Variants in MS4A5 observed in about 807,000 individuals in gnomAD.
The protein encoded by MS4A5 is membrane-spanning 4-domains subfamily A member 5.
Under a neutral mutation model 18.2 loss-of-function variants are expected in MS4A5, and 15 were observed. The ratio of observed to expected loss-of-function variants is 0.83; its 90% CI spans 0.55 to 1.27. The LOEUF (loss-of-function observed/expected upper bound fraction) is 1.27, where lower values mean the gene tolerates loss of function less well. MS4A5 is among the 50% of genes most tolerant of loss of function. The probability of loss-of-function intolerance (pLI) is 0.00; values close to 1 mark genes in which losing one functional copy is unlikely to be tolerated. For synonymous variants in MS4A5, 89 were observed against 78.7 expected, an observed-to-expected ratio of 1.13 and a Z score of -0.69; for missense variants, 232 against 225.7, an observed-to-expected ratio of 1.03 and a Z score of -0.18.
At chr11:60,434,944 GT>G (rs1365290003) in intron 4 of MS4A5, among the ~76,000 whole-genome samples, 2 of 152,198 alleles carry the variant, frequency 1.3e-5, no homozygotes, top group Non-Finnish European at 2.9e-5. Context: ...CGCTCTTCAG[GT>G]AAGGGCAAAA....
chr11:60,439,059 C>G (rs1013055944), intron 4 of MS4A5, among the ~76,000 whole-genome samples: 1 of 88,844 alleles, frequency 1.1e-5, no homozygotes, highest in African/African-American at 5.0e-5. Context: ...AGCAGCACAT[C>G]AAAAAGCTTA....
intron 4 of MS4A5, chr11:60,435,572 G>C (rs893369367): frequency 9.1e-6 from 3 of 329,558 alleles, no homozygotes; most frequent in Non-Finnish European, 1.8e-5. Context: ...CAGTGGGTGC[G>C]TGCACCCTGC....
intron 4 of MS4A5, among the ~76,000 whole-genome samples, chr11:60,446,042 T>C (rs550959485): frequency 8.6e-4 from 131 of 152,256 alleles, no homozygotes; most frequent in Non-Finnish European, 1.6e-3. Flanking sequence ...TAATGGTATA[T>C]GTACAACAAT....
In MS4A5 at chr11:60,442,805, C is replaced by A. The variant is rs552621622; in HGVS notation, c.493-4844C>A. On this transcript the variant is annotated intron_variant, in intron 4 of 4. Transcript: ENST00000300190. The stretch of plus-strand genomic sequence containing the variant: ...TTTAAAGTGCTCAAACAAAATAATG[C>A]CAACCCAGAATTCTAGGCCTGGTGA... Among the ~76,000 whole-genome samples the A allele has an allele frequency of 9.9e-5, 15 of 152,204 alleles. 1 individual carries two copies. The South Asian group carries it at 2.9e-3, about 29-fold the overall frequency.
intron 3 of MS4A5, among the ~76,000 whole-genome samples, chr11:60,432,734 G>A (rs180800254): frequency 1.2e-4 from 17 of 146,932 alleles, no homozygotes; most frequent in Admixed American, 9.0e-4. Context: ...GCAAGGAGCC[G>A]AGATCGTGCC....
chr11:60,435,274 C>A (rs894590), intron 4 of MS4A5: 403,128 of 403,210 alleles, frequency 1, 201,523 homozygotes, highest in Middle Eastern at 1. Context: ...CAAAAGAGGC[C>A]TAAAAAGAAA....
intron 4 of MS4A5, among the ~76,000 whole-genome samples, chr11:60,443,391 A>G (rs903487514): frequency 1.3e-5 from 2 of 152,144 alleles, no homozygotes; most frequent in African/African-American, 4.8e-5. Flanking sequence ...TACAAGGCTC[A>G]AAGAATTTAC....
rs753222238 is a variant in MS4A5 at position 60,433,860 on chromosome 11, C to G, written c.435C>G (p.Tyr145Ter). ...LTFGFILDQN[Y>*]ICGYSHQNSQ... ...TTGGTTTCATCCTAGATCAAAACTA[C>G]ATTTGTGGTTATTCTCACCAAAATA... Residue 145 changes from tyrosine (Y) to a stop codon, truncating the protein, a stop_gained, in exon 4 of 5, where the codon TAC (tyrosine) becomes TAG (stop). Coordinates refer to ENST00000300190, the MANE Select transcript of MS4A5 (RefSeq NM_023945.3). LOFTEE classifies it high-confidence loss of function. The G allele has an allele frequency of 1.2e-5, 19 of 1,613,878 alleles. No individual in the cohort carries two copies. The highest frequency in any genetic ancestry group is 1.4e-5 in the Non-Finnish European group (16 of 1,179,902).
Position 60,429,585 on chromosome 11 carries a change from G to A in MS4A5, c.-90G>A. Reference sequence around the variant, plus strand: ...CCAAGACAAAGCAAACAATTCCAGTGCTCCAGGCAGCCTCAGCACAAGAAA... The same window carrying A: ...CCAAGACAAAGCAAACAATTCCAGTACTCCAGGCAGCCTCAGCACAAGAAA... On this transcript the variant is annotated 5_prime_UTR_variant, in exon 1 of 5. Transcript: ENST00000300190. 1 of 1,259,418 alleles carries A rather than the reference G, an allele frequency of 7.9e-7. No individual in the cohort carries two copies. The highest frequency in any genetic ancestry group is 2.3e-5 in the Admixed American group (1 of 43,598). The allele number at this position is 1,259,418 out of a possible 1,614,324, so 78.0% of individuals were successfully genotyped here.
chr11:60,434,013 C>T (rs753990026), intron 4 of MS4A5, 96 bp downstream of exon 4: 3 of 1,068,120 alleles, frequency 2.8e-6, no homozygotes, highest in Non-Finnish European at 4.1e-6. Context: ...GTTGTGGACA[C>T]ATGTATTTTC....
intron 4 of MS4A5, chr11:60,435,617 G>C (rs1370071790): frequency 1.4e-5 from 4 of 278,318 alleles, no homozygotes; most frequent in East Asian, 1.2e-4. Flanking sequence ...TGCCTCACTT[G>C]GGAAGCGCAA....
At chr11:60,432,239 C>G (rs890730567) in intron 2 of MS4A5, among the ~76,000 whole-genome samples, 172 bp from the exon 3 acceptor site, 2 of 152,152 alleles carry the variant, frequency 1.3e-5, no homozygotes, top group Non-Finnish European at 2.9e-5. Flanking sequence ...AGTGTTTTGT[C>G]CACTATTCCA....
Position 60,429,588 on chromosome 11 carries a change from C to T in MS4A5, c.-87C>T. The T allele has an allele frequency of 7.7e-7, 1 of 1,296,366 alleles. No individual in the cohort carries two copies. 80.3% of individuals were successfully genotyped at this position (1,296,366 alleles called of 1,614,324 possible). A position where few individuals can be genotyped will look rare whatever the true frequency, so the allele number is the denominator to read the frequency against. On this transcript the variant is annotated 5_prime_UTR_variant, in exon 1 of 5. Transcript: ENST00000300190. ...AGACAAAGCAAACAATTCCAGTGCT[C>T]CAGGCAGCCTCAGCACAAGAAAAGA...
rs1200797670 is a variant in MS4A5 at position 60,436,569 on chromosome 11, G to A, written c.492+2652G>A. ...TAACTAGAATAACCAATACAGAGAAGTGCTTAAAGGAGCTGATGGAGCTGA... is the reference window on the plus strand; with the variant it reads ...TAACTAGAATAACCAATACAGAGAAATGCTTAAAGGAGCTGATGGAGCTGA... On this transcript the variant is annotated intron_variant, in intron 4 of 4. Transcript: ENST00000300190. Among the ~76,000 whole-genome samples, 4 of 133,866 alleles carry A rather than the reference G, an allele frequency of 3.0e-5. 2 individuals carry two copies. Among genetic ancestry groups the A allele is most frequent in the Admixed American group, 1.6e-4 (2 of 12,202 alleles). 87.8% of individuals were successfully genotyped at this position (133,866 alleles called of 152,430 possible).
intron 4 of MS4A5, among the ~76,000 whole-genome samples, chr11:60,439,923 T>C (rs11230319): frequency 0.056 from 4,972 of 89,386 alleles, 36 homozygotes; most frequent in Admixed American, 0.074. Flanking sequence ...TGGAAAAAAC[T>C]ATTTTAAAGT....
chr11:60,431,054 A>G, intron 2 of MS4A5, 130 bp downstream of exon 2: 1 of 945,202 alleles, frequency 1.1e-6, no homozygotes, highest in Non-Finnish European at 1.6e-6. Flanking sequence ...ACCTTGTTGA[A>G]ATTATTTCCC....
intron 4 of MS4A5, among the ~76,000 whole-genome samples, chr11:60,446,460 G>A (rs535259686): frequency 6.6e-5 from 10 of 152,056 alleles, no homozygotes; most frequent in Admixed American, 1.3e-4. Context: ...AGGTGGGGCC[G>A]GGCCATGGTG....
chr11:60,435,418 G>C lies in MS4A5; in HGVS notation c.492+1501G>C, dbSNP rs144737688. 6.0e-3 allele frequency: 2,691 copies of C among 447,332 alleles called. 63 individuals carry two copies. The highest frequency in any genetic ancestry group is 0.049 in the African/African-American group (2,421 of 49,280). 27.7% of individuals were successfully genotyped at this position (447,332 alleles called of 1,614,324 possible). On this transcript the variant is annotated intron_variant, in intron 4 of 4. Coordinates refer to ENST00000300190, the MANE Select transcript of MS4A5 (RefSeq NM_023945.3). Reference sequence around the variant, plus strand: ...TATCATGTTTTAAGAAATAAATGAGGGGGGAGGAGCCAAGATGGCCAAATA... The same window carrying C: ...TATCATGTTTTAAGAAATAAATGAGCGGGGAGGAGCCAAGATGGCCAAATA...
intron 4 of MS4A5, among the ~76,000 whole-genome samples, chr11:60,442,095 GAATAC>G (rs1395142250): frequency 3.3e-5 from 5 of 152,114 alleles, no homozygotes; most frequent in African/African-American, 4.8e-5. Context: ...ACAGAATTTT[GAATAC>G]AATTGATAAA....
Sources: gnomAD v4.1 joint callset for allele counts (sites outside exome capture counted in the v4.1 genomes callset) on GRCh38, gnomAD v4.1.1 for gene constraint, MANE v1.5 for transcripts, NCBI Gene and HGNC (gene_info 2026-07-23, HGNC 2026-07-21) for gene names.